The following TMEM108 variants were observed in gnomAD, a reference collection of about 807,000 sequenced individuals.
The protein encoded by TMEM108 is cancer/testis antigen 124.
TMEM108 carries 12 observed loss-of-function variants against 35.1 expected under a neutral mutation model. The observed-to-expected ratio is 0.34, with a 90% CI of 0.22 to 0.55. The LOEUF (loss-of-function observed/expected upper bound fraction) is 0.55. Ranked by LOEUF, TMEM108 falls within the 20% of genes least tolerant of loss-of-function variation. The probability of loss-of-function intolerance (pLI) is 0.89; values close to 1 mark genes in which losing one functional copy is unlikely to be tolerated. For synonymous variants in TMEM108, 287 were observed against 308.6 expected (o/e 0.93, Z 0.73); for missense variants, 680 against 753.3 (o/e 0.90, Z 1.14).
rs140611407 is a variant in TMEM108 at position 133,146,823 on chromosome 3, T to G, written c.-46-82443T>G. ...ATCAGTGTTGATATCCCTTTTATCA[T>G]TTTTTATTGTGTCTATTTGATTCTT... On this transcript the variant is annotated intron_variant, in intron 2 of 5. Transcript: ENST00000321871. Among the ~76,000 whole-genome samples, 1,096 of 152,272 alleles carry G rather than the reference T, an allele frequency of 7.2e-3. 14 individuals carry two copies. The highest frequency in any genetic ancestry group is 0.025 in the African/African-American group (1,044 of 41,560).
intron 3 of TMEM108, among the ~76,000 whole-genome samples, chr3:133,231,351 G>A (rs912925147): frequency 9.2e-5 from 14 of 151,926 alleles, no homozygotes; most frequent in South Asian, 2.1e-4. Context: ...TATTTATTTC[G>A]TTCATGAATC....
intron 3 of TMEM108, among the ~76,000 whole-genome samples, chr3:133,270,850 C>T (rs1244996158): frequency 1.3e-5 from 2 of 151,756 alleles, no homozygotes; most frequent in Non-Finnish European, 2.9e-5. Flanking sequence ...CACACCCCTA[C>T]CCCTCCAGGC....
At chr3:133,197,618 T>A (rs1248442671) in intron 2 of TMEM108, among the ~76,000 whole-genome samples, 1 of 152,142 alleles carries the variant, frequency 6.6e-6, no homozygotes, top group Non-Finnish European at 1.5e-5. Context: ...CTAACTCCCA[T>A]GGCATCTGCA....
chr3:133,343,676 T>C (rs1390322223), intron 3 of TMEM108, among the ~76,000 whole-genome samples: 2 of 151,886 alleles, frequency 1.3e-5, no homozygotes, highest in Non-Finnish European at 1.5e-5. Context: ...TTGTCAGTGA[T>C]TGGGGGAGGA....
chr3:133,102,239 C>T (rs992225764), intron 2 of TMEM108, among the ~76,000 whole-genome samples: 5 of 152,120 alleles, frequency 3.3e-5, no homozygotes, highest in East Asian at 3.8e-4. Flanking sequence ...TACTGGTGAG[C>T]GCATCTTTCA....
At chr3:133,307,627 G>A (rs570305105) in intron 3 of TMEM108, among the ~76,000 whole-genome samples, 5 of 152,114 alleles carry the variant, frequency 3.3e-5, no homozygotes, top group African/African-American at 1.2e-4. Context: ...ATTAAATAGG[G>A]AATCCTTTCC....
intron 2 of TMEM108, among the ~76,000 whole-genome samples, chr3:133,133,403 T>A (rs1375839500): frequency 6.6e-6 from 1 of 152,198 alleles, no homozygotes; most frequent in Admixed American, 6.5e-5. Context: ...GGTATGTACT[T>A]TTTTTAGACA....
intron 3 of TMEM108, among the ~76,000 whole-genome samples, chr3:133,321,590 A>T (rs976554445): frequency 5.9e-5 from 9 of 152,172 alleles, no homozygotes; most frequent in Non-Finnish European, 8.8e-5. Flanking sequence ...ACCAGACTTC[A>T]GTACTCCACT....
intron 3 of TMEM108, among the ~76,000 whole-genome samples, chr3:133,368,854 C>T (rs904976396): frequency 2.0e-5 from 3 of 152,170 alleles, no homozygotes; most frequent in African/African-American, 7.2e-5. Flanking sequence ...AGCTCTGAGG[C>T]TCCAGATGGC....
chr3:133,363,412 CATT>C (rs748034583), intron 3 of TMEM108, among the ~76,000 whole-genome samples: 1 of 130,930 alleles, frequency 7.6e-6, no homozygotes, highest in African/African-American at 2.7e-5. Flanking sequence ...TTCTGCTTTT[CATT>C]ATTTTTTTTT....
At chr3:133,107,271 A>G (rs1193433730) in intron 2 of TMEM108, among the ~76,000 whole-genome samples, 2 of 152,236 alleles carry the variant, frequency 1.3e-5, no homozygotes, top group African/African-American at 4.8e-5. Flanking sequence ...AAAATCTTAA[A>G]ATATGTATCT....
At chr3:133,247,952 A>C (rs1408417848) in intron 3 of TMEM108, 1 of 152,134 alleles carries the variant, frequency 6.6e-6, no homozygotes, top group Admixed American at 6.5e-5. Flanking sequence ...ATAAAGCATA[A>C]TTTCTTCTCT....
intron 2 of TMEM108, among the ~76,000 whole-genome samples, chr3:133,088,438 A>C (rs1379626704): frequency 6.6e-6 from 1 of 152,180 alleles, no homozygotes; most frequent in African/African-American, 2.4e-5. Context: ...TTGAAAGAGC[A>C]TGTGGGGTGG....
chr3:133,352,983 G>T (rs189191670), intron 3 of TMEM108, among the ~76,000 whole-genome samples: 9 of 152,220 alleles, frequency 5.9e-5, no homozygotes, highest in African/African-American at 2.2e-4. Flanking sequence ...CCCCCATCTG[G>T]AGGCTTTCCA....
chr3:133,117,315 G>A (rs546115511), intron 2 of TMEM108, among the ~76,000 whole-genome samples: 1 of 152,262 alleles, frequency 6.6e-6, no homozygotes, highest in African/African-American at 2.4e-5. Flanking sequence ...TCTGATGACT[G>A]CTCAAAAGCA....
intron 2 of TMEM108, among the ~76,000 whole-genome samples, chr3:133,046,302 G>C (rs1053357904): frequency 2.6e-5 from 4 of 152,184 alleles, no homozygotes; most frequent in Admixed American, 2.0e-4. Context: ...GGGCTGTTGA[G>C]CCCTCTTGAG....
chr3:133,177,384 A>G (rs1025356093), intron 2 of TMEM108, among the ~76,000 whole-genome samples: 5 of 152,250 alleles, frequency 3.3e-5, no homozygotes, highest in African/African-American at 1.2e-4. Context: ...TTAGACCAAT[A>G]TCCCTGATGA....
chr3:133,372,300 A>T (rs1461274938), intron 3 of TMEM108, among the ~76,000 whole-genome samples: 1 of 152,162 alleles, frequency 6.6e-6, no homozygotes, highest in Non-Finnish European at 1.5e-5. Context: ...CCTGGGTTTA[A>T]ATCCTGGTAC....
chr3:133,373,104 C>A (rs748631139), intron 3 of TMEM108, among the ~76,000 whole-genome samples: 1 of 152,152 alleles, frequency 6.6e-6, no homozygotes, highest in African/African-American at 2.4e-5. Flanking sequence ...CAGTGGCTCA[C>A]GCCTGTAATC....
Sources: allele counts gnomAD v4.1 joint callset (sites outside exome capture counted in the v4.1 genomes callset), GRCh38; gene constraint gnomAD v4.1.1; transcripts MANE v1.5; gene names NCBI Gene and HGNC (gene_info 2026-07-23, HGNC 2026-07-21).